AFAP1: variants seen among roughly 807,000 people sequenced by gnomAD.
AFAP1 encodes the protein actin filament-associated protein 1.
Under a neutral mutation model 93.9 loss-of-function variants are expected in AFAP1, and 75 were observed. That is an observed-to-expected ratio of 0.80 (90% CI 0.66 to 0.97). The LOEUF (loss-of-function observed/expected upper bound fraction) is 0.97, where lower values mean the gene tolerates loss of function less well. AFAP1 is among the 50% of genes least tolerant of loss of function. The pLI, the probability that AFAP1 is intolerant of heterozygous loss-of-function variation, is 0.00. For synonymous variants in AFAP1, 517 were observed against 430.7 expected, an observed-to-expected ratio of 1.20 and a Z score of -2.48; for missense variants, 1,201 against 1,050.8, an observed-to-expected ratio of 1.14 and a Z score of -1.98.
intron 2 of AFAP1, among the ~76,000 whole-genome samples, chr4:7,871,176 C>T (rs1331283381): frequency 6.6e-6 from 1 of 152,150 alleles, no homozygotes; most frequent in Non-Finnish European, 1.5e-5. Flanking sequence ...GTCCTGCTCA[C>T]TGTGCATCAA....
chr4:7,767,104 T>G (rs1714709989), intron 17 of AFAP1, among the ~76,000 whole-genome samples: 1 of 152,158 alleles, frequency 6.6e-6, no homozygotes, highest in Admixed American at 6.5e-5. Context: ...TTCTCAGAAA[T>G]CCTGGGGAAC....
intron 6 of AFAP1, among the ~76,000 whole-genome samples, chr4:7,822,075 A>ACC (rs913930353): frequency 4.2e-5 from 6 of 144,574 alleles, no homozygotes; most frequent in African/African-American, 1.5e-4. Flanking sequence ...TCCCTCACCT[A>ACC]CCCTAAGGTG....
intron 11 of AFAP1, among the ~76,000 whole-genome samples, chr4:7,791,544 T>G (rs1717854436): frequency 6.6e-6 from 1 of 152,104 alleles, no homozygotes; most frequent in South Asian, 2.1e-4. Context: ...GAGAAATGCA[T>G]TCATTGTTAT....
At chr4:7,769,895 G>A (rs537810952) in intron 16 of AFAP1, among the ~76,000 whole-genome samples, 74 of 152,366 alleles carry the variant, frequency 4.9e-4, no homozygotes, top group Non-Finnish European at 9.0e-4. Context: ...CCTGGCTGCC[G>A]GGAGGGAGCT....
chr4:7,893,936 C>G (rs568866645), intron 1 of AFAP1, among the ~76,000 whole-genome samples: 1 of 151,802 alleles, frequency 6.6e-6, no homozygotes, highest in African/African-American at 2.4e-5. Flanking sequence ...CCTCCCTCGC[C>G]TCTACCCACA....
chr4:7,852,848 G>C (rs34132874), intron 4 of AFAP1, among the ~76,000 whole-genome samples: 1 of 151,964 alleles, frequency 6.6e-6, no homozygotes, highest in Non-Finnish European at 1.5e-5. Flanking sequence ...CACATAAGAA[G>C]GGCTAACAGG....
chr4:7,822,317 T>A (rs1196914337), intron 6 of AFAP1, among the ~76,000 whole-genome samples: 1 of 152,176 alleles, frequency 6.6e-6, no homozygotes, highest in Non-Finnish European at 1.5e-5. Context: ...AGGGGGTCAT[T>A]GTGAAAACTA....
chr4:7,857,059 T>C (rs1487137990), intron 3 of AFAP1, among the ~76,000 whole-genome samples: 1 of 152,202 alleles, frequency 6.6e-6, no homozygotes, highest in Non-Finnish European at 1.5e-5. Flanking sequence ...ATTCATATTC[T>C]TTCTCTCTCC....
chr4:7,780,915 T>C lies in AFAP1; in HGVS notation c.1782+461A>G, dbSNP rs1716701248. ...AGTTTTTGGGAGTATACCTTTAGAC[T>C]TGTCATGGAGAAACACTACCACACT... On this transcript the variant is annotated intron_variant, in intron 13 of 17. Transcript: ENST00000420658. Among the ~76,000 whole-genome samples, 2 of 152,204 alleles carry C rather than the reference T, an allele frequency of 1.3e-5. 1 individual carries two copies. The highest frequency in any genetic ancestry group is 4.1e-4 in the South Asian group (2 of 4,820).
intron 1 of AFAP1, among the ~76,000 whole-genome samples, chr4:7,890,276 G>A (rs567974895): frequency 6.6e-6 from 1 of 152,112 alleles, no homozygotes; most frequent in Non-Finnish European, 1.5e-5. Context: ...AATGCAATGG[G>A]GAAAAAAAAC....
At chr4:7,872,157 G>C in intron 1 of AFAP1, 77 bp from the exon 2 acceptor site, 2 of 1,540,960 alleles carry the variant, frequency 1.3e-6, no homozygotes. Context: ...AGTCTTACTC[G>C]AAGCATTTCA....
chr4:7,764,380 T>C (rs970764096), intron 17 of AFAP1, among the ~76,000 whole-genome samples: 4 of 145,612 alleles, frequency 2.7e-5, no homozygotes, highest in Non-Finnish European at 6.1e-5. Flanking sequence ...ATCATGTCTA[T>C]TTCAAAAAAT....
intron 9 of AFAP1, among the ~76,000 whole-genome samples, chr4:7,808,179 C>T (rs1237356082): frequency 6.6e-6 from 1 of 152,164 alleles, no homozygotes; most frequent in Non-Finnish European, 1.5e-5. Context: ...ACAGCACATT[C>T]CTATAATTTC....
At chr4:7,927,260 A>G (rs1720816122) in intron 1 of AFAP1, among the ~76,000 whole-genome samples, 1 of 152,180 alleles carries the variant, frequency 6.6e-6, no homozygotes, top group South Asian at 2.1e-4. Context: ...GGCAGCCCTA[A>G]GGTTTGGGTG....
chr4:7,935,995 G>A (rs755397245), intron 1 of AFAP1, among the ~76,000 whole-genome samples: 3 of 152,128 alleles, frequency 2.0e-5, no homozygotes, highest in East Asian at 1.9e-4. Context: ...ATCTGGTCGC[G>A]TTTTGAAGCC....
intron 1 of AFAP1, among the ~76,000 whole-genome samples, chr4:7,932,906 G>A (rs530576609): frequency 6.6e-6 from 1 of 151,452 alleles, no homozygotes; most frequent in Non-Finnish European, 1.5e-5. Flanking sequence ...TGTAGTCCCA[G>A]CTACTCAGGA....
chr4:7,764,383 C>A (rs1411989949), intron 17 of AFAP1, among the ~76,000 whole-genome samples: 5 of 142,694 alleles, frequency 3.5e-5, no homozygotes, highest in African/African-American at 1.3e-4. Flanking sequence ...ATGTCTATTT[C>A]AAAAAATATA....
chr4:7,794,688 ATTT>A (rs1385257692), intron 10 of AFAP1, among the ~76,000 whole-genome samples: 1 of 138,562 alleles, frequency 7.2e-6, no homozygotes, highest in Non-Finnish European at 1.5e-5. Flanking sequence ...AGTCCAGCTA[ATTT>A]TTTTATTTTT....
intron 3 of AFAP1, among the ~76,000 whole-genome samples, chr4:7,867,129 A>C: frequency 4.6e-5 from 1 of 21,946 alleles, no homozygotes; most frequent in Non-Finnish European, 1.2e-4. Flanking sequence ...AGGGTAGGGG[A>C]GCGGAGGGGA....
Sources: gnomAD v4.1 joint callset for allele counts (sites outside exome capture counted in the v4.1 genomes callset) on GRCh38, gnomAD v4.1.1 for gene constraint, MANE v1.5 for transcripts, NCBI Gene and HGNC (gene_info 2026-07-23, HGNC 2026-07-21) for gene names.